The following OXSR1 variants were observed in gnomAD, a reference collection of about 807,000 sequenced individuals.
OXSR1 encodes oxidative stress responsive kinase 1.
Under a neutral mutation model 79.8 loss-of-function variants are expected in OXSR1, and 24 were observed. The observed-to-expected ratio is 0.30, with a 90% CI of 0.22 to 0.42. The LOEUF (loss-of-function observed/expected upper bound fraction) is 0.42. Ranked by LOEUF, OXSR1 falls within the 10% of genes least tolerant of loss-of-function variation. The pLI, the probability that OXSR1 is intolerant of heterozygous loss-of-function variation, is 1.00. For missense variants in OXSR1, 430 were observed against 618.4 expected (o/e 0.70, Z 3.23); for synonymous variants, 226 against 209.2 (o/e 1.08, Z -0.69).
chr3:38,164,234 G>A (rs1184853784), upstream of OXSR1, among the ~76,000 whole-genome samples: 1 of 152,026 alleles, frequency 6.6e-6, no homozygotes, highest in Non-Finnish European at 1.5e-5. Flanking sequence ...GCATGCTCTC[G>A]GGTCACTGCA....
chr3:38,255,177 C>G lies in OXSR1; in HGVS notation c.*2286C>G, dbSNP rs1703340531. On this transcript the variant is annotated 3_prime_UTR_variant, in exon 18 of 18. Transcript: ENST00000311806. ...ACTAGGTCCCAGGATCCCCTTGTCC[C>G]TGGAGTAGGGACTAACTATAGCACA... The G allele has an allele frequency of 2.0e-5, 3 of 152,630 alleles. No homozygotes were observed. The highest frequency in any genetic ancestry group is 7.2e-5 in the African/African-American group (3 of 41,442). The allele number at this position is 152,630 out of a possible 1,614,324, so 9.5% of individuals were successfully genotyped here. A position where few individuals can be genotyped will look rare whatever the true frequency, so the allele number is the denominator to read the frequency against.
chr3:38,177,611 G>A (rs1188081985), intron 1 of OXSR1, among the ~76,000 whole-genome samples: 1 of 151,496 alleles, frequency 6.6e-6, no homozygotes, highest in Non-Finnish European at 1.5e-5. Context: ...TTTAGGCAAG[G>A]TCTCACTCTT....
chr3:38,225,323 C>T (rs1702669086), intron 8 of OXSR1, among the ~76,000 whole-genome samples: 1 of 152,114 alleles, frequency 6.6e-6, no homozygotes, highest in African/African-American at 2.4e-5. Context: ...TCTCAAAGTC[C>T]TGATTCCTAA....
At chr3:38,237,702 T>C (rs1211980635) in intron 11 of OXSR1, among the ~76,000 whole-genome samples, 1 of 152,216 alleles carries the variant, frequency 6.6e-6, no homozygotes, top group Non-Finnish European at 1.5e-5. Context: ...CTAGTCCTTC[T>C]GCAGAGCTAA....
In OXSR1 at chr3:38,229,684, T is replaced by TA. The variant is rs776522219; in HGVS notation, c.837-2dup. On this transcript the variant is annotated splice_polypyrimidine_tract_variant and splice_region_variant and intron_variant, in intron 8 of 17. Transcript: ENST00000311806. ...CTTTTCTTCCCTCCCTTCCTGGTTTTAGACCAACAGCAGCAGAACTATTAA... is the reference window on the plus strand; with the variant it reads ...CTTTTCTTCCCTCCCTTCCTGGTTTTAAGACCAACAGCAGCAGAACTATTAA... 6.2e-7 allele frequency: 1 copy of TA among 1,611,064 alleles called. No homozygotes were observed. Among genetic ancestry groups the TA allele is most frequent in the Admixed American group, 1.7e-5 (1 of 59,766 alleles).
chr3:38,228,008 G>T lies in OXSR1; in HGVS notation c.837-1679G>T, dbSNP rs190160165. Among the ~76,000 whole-genome samples, 8 of 152,318 alleles carry T rather than the reference G, an allele frequency of 5.3e-5. No homozygotes were observed. The East Asian group carries it at 1.5e-3, about 29-fold the overall frequency. On this transcript the variant is annotated intron_variant, in intron 8 of 17. Coordinates refer to ENST00000311806, the MANE Select transcript of OXSR1 (RefSeq NM_005109.3). The stretch of plus-strand genomic sequence containing the variant: ...TTTGTCATTGTTTGAACATCGTGGA[G>T]TGTACTTACACAAACTTTGATGGTA...
chr3:38,201,074 A>G (rs914554409), intron 4 of OXSR1, among the ~76,000 whole-genome samples: 12 of 151,634 alleles, frequency 7.9e-5, no homozygotes, highest in Non-Finnish European at 1.3e-4. Flanking sequence ...ATTTTTGCCT[A>G]TTTTTCTTTT....
intron 3 of OXSR1, among the ~76,000 whole-genome samples, chr3:38,197,419 T>G (rs1277052637): frequency 6.6e-6 from 1 of 152,212 alleles, no homozygotes; most frequent in Non-Finnish European, 1.5e-5. Context: ...CCTCACTTGG[T>G]GTGGGGAAGT....
chr3:38,245,121 A>G (rs192746863), intron 12 of OXSR1, among the ~76,000 whole-genome samples: 5 of 152,304 alleles, frequency 3.3e-5, no homozygotes, highest in Admixed American at 3.3e-4. Context: ...CTTCTTATGT[A>G]TGAAGTTAAA....
At chr3:38,166,748 C>T (rs1701469490) in intron 1 of OXSR1, among the ~76,000 whole-genome samples, 1 of 147,972 alleles carries the variant, frequency 6.8e-6, no homozygotes, top group South Asian at 2.1e-4. Flanking sequence ...TGAGATCGCG[C>T]CACTGCACTC....
intron 5 of OXSR1, 96 bp from the exon 6 acceptor site, chr3:38,221,482 A>G (rs1702588753): frequency 4.6e-6 from 3 of 647,894 alleles, no homozygotes. Flanking sequence ...CATGCTTTTT[A>G]TTTATATATA....
At chr3:38,202,314 CT>C (rs1308243029) in intron 4 of OXSR1, among the ~76,000 whole-genome samples, 1 of 152,104 alleles carries the variant, frequency 6.6e-6, no homozygotes, top group African/African-American at 2.4e-5. Context: ...GAAAGCAAGA[CT>C]TAATGAACAA....
upstream of OXSR1, chr3:38,165,516 T>G (rs914363709): frequency 8.5e-6 from 2 of 234,666 alleles, no homozygotes; most frequent in Non-Finnish European, 1.7e-5. Flanking sequence ...TGTCGGCAGG[T>G]GGAGGAAGAG....
intron 3 of OXSR1, among the ~76,000 whole-genome samples, chr3:38,191,071 G>A (rs892713059): frequency 5.9e-5 from 9 of 152,066 alleles, no homozygotes; most frequent in Non-Finnish European, 1.0e-4. Context: ...TTTAGAGACT[G>A]TCTGGCTCTG....
At chr3:38,244,314 T>C (rs1173105563) in intron 12 of OXSR1, among the ~76,000 whole-genome samples, 3 of 152,186 alleles carry the variant, frequency 2.0e-5, no homozygotes, top group Admixed American at 1.3e-4. Context: ...ATCCTAATCA[T>C]TTTCAAGTAT....
intron 8 of OXSR1, among the ~76,000 whole-genome samples, chr3:38,226,722 A>G (rs1395173702): frequency 6.6e-6 from 1 of 152,054 alleles, no homozygotes; most frequent in Non-Finnish European, 1.5e-5. Flanking sequence ...ATATGCAGCA[A>G]GATACCTGAC....
At chr3:38,190,494 A>G (rs1262525870) in intron 2 of OXSR1, among the ~76,000 whole-genome samples, 1 of 152,148 alleles carries the variant, frequency 6.6e-6, no homozygotes, top group Non-Finnish European at 1.5e-5. Flanking sequence ...GGTGTGTTAA[A>G]TAGTGTGCTT....
At position 38,254,364 on chromosome 3, in the gene OXSR1, T is replaced by C. The variant is rs903204542; in HGVS notation, c.*1473T>C. 2 of 395,674 alleles carry C rather than the reference T, an allele frequency of 5.1e-6. No homozygotes were observed. The highest frequency in any genetic ancestry group is 8.9e-6 in the Non-Finnish European group (2 of 224,618). The allele number at this position is 395,674 out of a possible 1,614,324, so 24.5% of individuals were successfully genotyped here. A position where few individuals can be genotyped will look rare whatever the true frequency, so the allele number is the denominator to read the frequency against. Reference sequence around the variant, plus strand: ...TTTCATTCTGAGTCTTTAGTTTTAGTCATGGGCTTTCTTCACCTGCTCTAG... The same window carrying C: ...TTTCATTCTGAGTCTTTAGTTTTAGCCATGGGCTTTCTTCACCTGCTCTAG... On this transcript the variant is annotated 3_prime_UTR_variant, in exon 18 of 18. Transcript: ENST00000311806.
At position 38,165,668 on chromosome 3, in the gene OXSR1, G is replaced by A. The variant is rs994529306; in HGVS notation, c.-209G>A. ...GGGCAGTGCCGGACTCGGAGGAGCAGGAGGCGAGGTCCGCCGGAGCTCTGA... is the reference window on the plus strand; with the variant it reads ...GGGCAGTGCCGGACTCGGAGGAGCAAGAGGCGAGGTCCGCCGGAGCTCTGA... On this transcript the variant is annotated 5_prime_UTR_variant, in exon 1 of 18. Transcript: ENST00000311806. 1 of 536,226 alleles carries A rather than the reference G, an allele frequency of 1.9e-6. No individual in the cohort carries two copies. Among genetic ancestry groups the A allele is most frequent in the East Asian group, 3.3e-5 (1 of 30,154 alleles). The allele number at this position is 536,226 out of a possible 1,614,324, so 33.2% of individuals were successfully genotyped here. A position where few individuals can be genotyped will look rare whatever the true frequency, so the allele number is the denominator to read the frequency against.
Sources: allele counts gnomAD v4.1 joint callset (sites outside exome capture counted in the v4.1 genomes callset), GRCh38; gene constraint gnomAD v4.1.1; transcripts MANE v1.5; gene names NCBI Gene and HGNC (gene_info 2026-07-23, HGNC 2026-07-21).